Variants in CCSER1 observed in about 807,000 individuals in gnomAD.
The protein encoded by CCSER1 is serine-rich coiled-coil domain-containing protein 1.
A neutral mutation model predicts 82.0 loss-of-function variants in CCSER1; 41 were observed. The ratio of observed to expected loss-of-function variants is 0.50; its 90% confidence interval spans 0.39 to 0.65. The LOEUF (loss-of-function observed/expected upper bound fraction) is 0.65, where lower values mean the gene tolerates loss of function less well. CCSER1 is among the 30% of genes least tolerant of loss of function. The pLI, the probability that CCSER1 is intolerant of heterozygous loss-of-function variation, is 0.00. For synonymous variants in CCSER1, 414 were observed against 383.9 expected (o/e 1.08, Z -0.92); for missense variants, 1,119 against 1,064.2 (o/e 1.05, Z -0.72).
chr4:91,218,168 C>T (rs1046915981), intron 10 of CCSER1, among the ~76,000 whole-genome samples: 3 of 152,216 alleles, frequency 2.0e-5, no homozygotes, highest in Non-Finnish European at 4.4e-5. Context: ...GGTGGGCCGG[C>T]ACTGCTGGGG....
At chr4:90,241,974 A>T (rs1746942124) in intron 1 of CCSER1, among the ~76,000 whole-genome samples, 1 of 152,124 alleles carries the variant, frequency 6.6e-6, no homozygotes, top group Admixed American at 6.5e-5. Flanking sequence ...CCCTGAATTT[A>T]AGATCTGTGA....
intron 6 of CCSER1, among the ~76,000 whole-genome samples, chr4:90,646,460 A>G (rs1401992662): frequency 6.6e-6 from 1 of 151,980 alleles, no homozygotes; most frequent in Non-Finnish European, 1.5e-5. Context: ...AAAAACAAAC[A>G]CCTTAAATGC....
At chr4:91,347,481 TTA>T (rs140966500) in intron 10 of CCSER1, among the ~76,000 whole-genome samples, 9,812 of 151,902 alleles carry the variant, frequency 0.065, 1,033 homozygotes, top group African/African-American at 0.22. Context: ...GAACACATTA[TTA>T]TTTTTTTTTT....
rs143904735 is a variant in CCSER1, at chr4:90,837,863, A to G, written c.2094+22018A>G. ...GAAGTAGTTGTAACCATGAGTAAGG[A>G]TGATATTATATGGGACAGTGTTTAA... On this transcript the variant is annotated intron_variant, in intron 8 of 10. Transcript: ENST00000509176. Among the ~76,000 whole-genome samples the G allele has an allele frequency of 1.4e-3, 214 of 152,276 alleles. 4 individuals are homozygous for G. The East Asian group carries it at 0.025, about 18-fold the overall frequency.
intron 10 of CCSER1, among the ~76,000 whole-genome samples, chr4:91,399,777 C>T (rs552212131): frequency 6.6e-6 from 1 of 151,996 alleles, no homozygotes; most frequent in African/African-American, 2.4e-5. Flanking sequence ...CTAACACTAC[C>T]CACTTCCCTG....
At chr4:90,596,848 T>C (rs758641506) in intron 5 of CCSER1, among the ~76,000 whole-genome samples, 1 of 151,866 alleles carries the variant, frequency 6.6e-6, no homozygotes, top group Non-Finnish European at 1.5e-5. Context: ...AAATTTCAAG[T>C]GTACTGTAAT....
chr4:90,700,512 A>G (rs987250702), intron 6 of CCSER1, among the ~76,000 whole-genome samples: 2 of 152,084 alleles, frequency 1.3e-5, no homozygotes, highest in East Asian at 1.9e-4. Flanking sequence ...CCAGTAATGG[A>G]ATGGCTGGGT....
intron 3 of CCSER1, among the ~76,000 whole-genome samples, chr4:90,331,092 A>T (rs949914623): frequency 7.9e-5 from 12 of 152,070 alleles, no homozygotes; most frequent in African/African-American, 1.7e-4. Flanking sequence ...TATTTAAAAA[A>T]TAAGAATACT....
chr4:90,322,388 A>G (rs1170426127), intron 3 of CCSER1, among the ~76,000 whole-genome samples: 3 of 152,126 alleles, frequency 2.0e-5, no homozygotes, highest in Admixed American at 6.5e-5. Flanking sequence ...ATAGCTTTGT[A>G]ATGTAATTTG....
chr4:90,354,366 A>G (rs1037703451), intron 3 of CCSER1, among the ~76,000 whole-genome samples: 2 of 152,186 alleles, frequency 1.3e-5, no homozygotes, highest in Admixed American at 6.5e-5. Context: ...GGCATTATGT[A>G]TATAAAATAA....
chr4:91,398,051 A>G lies in CCSER1; in HGVS notation c.2218-200521A>G, dbSNP rs147825379. ...ATTTTTGCATATTACCTAGGTAGCAATGAGTAATTATTTTTTTTAAAACTT... is the reference window on the plus strand; with the variant it reads ...ATTTTTGCATATTACCTAGGTAGCAGTGAGTAATTATTTTTTTTAAAACTT... On this transcript the variant is annotated intron_variant, in intron 10 of 10. Transcript: ENST00000509176. Among the ~76,000 whole-genome samples, 586 of 152,112 alleles carry G rather than the reference A, an allele frequency of 3.9e-3. 1 individual carries two copies. The highest frequency in any genetic ancestry group is 4.7e-3 in the Admixed American group (72 of 15,218).
intron 10 of CCSER1, among the ~76,000 whole-genome samples, chr4:91,190,008 T>G (rs531464473): frequency 2.4e-4 from 36 of 152,352 alleles, no homozygotes; most frequent in African/African-American, 8.2e-4. Flanking sequence ...CATGTTGCAG[T>G]ACCTGTCTAG....
chr4:90,705,913 T>G (rs989935391), intron 6 of CCSER1, among the ~76,000 whole-genome samples: 2 of 152,192 alleles, frequency 1.3e-5, no homozygotes, highest in Non-Finnish European at 2.9e-5. Context: ...CCTGACCCCT[T>G]GCACTTCCGG....
At chr4:91,270,969 C>G (rs1741981716) in intron 10 of CCSER1, among the ~76,000 whole-genome samples, 2 of 152,128 alleles carry the variant, frequency 1.3e-5, no homozygotes. Flanking sequence ...CAGGAGTTCT[C>G]TACTGGATTT....
chr4:91,458,857 C>T (rs1756344997), intron 10 of CCSER1, among the ~76,000 whole-genome samples: 1 of 152,060 alleles, frequency 6.6e-6, no homozygotes, highest in Admixed American at 6.6e-5. Context: ...TATCCTGTAA[C>T]TTAACTGAAT....
intron 9 of CCSER1, among the ~76,000 whole-genome samples, chr4:91,020,838 G>GT (rs568150456): frequency 1.3e-5 from 2 of 151,998 alleles, no homozygotes; most frequent in Admixed American, 6.6e-5. Flanking sequence ...GTTTTGTCTT[G>GT]TTTTTTCTAC....
At chr4:91,157,522 G>C (rs1730933176) in intron 10 of CCSER1, among the ~76,000 whole-genome samples, 1 of 151,452 alleles carries the variant, frequency 6.6e-6, no homozygotes, top group African/African-American at 2.4e-5. Context: ...CTTTCTTTTT[G>C]TACTTTGATA....
At chr4:90,759,306 T>C (rs1395489921) in intron 7 of CCSER1, among the ~76,000 whole-genome samples, 1 of 152,176 alleles carries the variant, frequency 6.6e-6, no homozygotes, top group Non-Finnish European at 1.5e-5. Context: ...GAATCTGATT[T>C]TTCAATAAAT....
At chr4:91,539,805 C>A (rs2110192291) in intron 10 of CCSER1, among the ~76,000 whole-genome samples, 1 of 152,142 alleles carries the variant, frequency 6.6e-6, no homozygotes, top group Admixed American at 6.6e-5. Flanking sequence ...TCTTTAATTT[C>A]CAACTTATTC....
Sources: gnomAD v4.1 joint callset for allele counts (sites outside exome capture counted in the v4.1 genomes callset) on GRCh38, gnomAD v4.1.1 for gene constraint, MANE v1.5 for transcripts, NCBI Gene and HGNC (gene_info 2026-07-23, HGNC 2026-07-21) for gene names.